Variants in COL24A1 observed in about 807,000 individuals in gnomAD.
The protein encoded by COL24A1 is collagen type XXIV alpha 1 chain.
In COL24A1, 224 loss-of-function variants were observed where a neutral mutation model predicts 253.9. The ratio of observed to expected loss-of-function variants is 0.88; its 90% CI spans 0.79 to 0.99. COL24A1 has a LOEUF of 0.99. Among genes scored for constraint, COL24A1 ranks in the 50% least tolerant of loss-of-function variants. The probability of loss-of-function intolerance (pLI) is 0.00; values close to 1 mark genes in which losing one functional copy is unlikely to be tolerated. For synonymous variants in COL24A1, 685 were observed against 673.7 expected (o/e 1.02, Z -0.26); for missense variants, 2,131 against 2,068.5 (o/e 1.03, Z -0.59).
intron 7 of COL24A1, among the ~76,000 whole-genome samples, chr1:86,079,191 A>G (rs1702457559): frequency 6.6e-6 from 1 of 152,304 alleles, no homozygotes; most frequent in Admixed American, 6.5e-5. Context: ...GTTGCCAAGA[A>G]CAGACATTGA....
At chr1:85,789,170 C>T (rs937624335) in intron 47 of COL24A1, among the ~76,000 whole-genome samples, 5 of 152,154 alleles carry the variant, frequency 3.3e-5, no homozygotes, top group African/African-American at 7.2e-5. Flanking sequence ...GTCATTTTCA[C>T]AATATTAATT....
chr1:86,111,908 C>T (rs1705654330), intron 5 of COL24A1, among the ~76,000 whole-genome samples: 1 of 152,130 alleles, frequency 6.6e-6, no homozygotes, highest in Admixed American at 6.5e-5. Flanking sequence ...AGGAACCCAC[C>T]AGAAGGAAGA....
chr1:86,120,443 A>G (rs1706631585), intron 3 of COL24A1, among the ~76,000 whole-genome samples: 2 of 152,248 alleles, frequency 1.3e-5, no homozygotes, highest in South Asian at 4.1e-4. Context: ...ACACATTTAC[A>G]AGAAAAAATC....
At chr1:86,104,169 G>C (rs1557637048) in intron 5 of COL24A1, among the ~76,000 whole-genome samples, 1 of 151,674 alleles carries the variant, frequency 6.6e-6, no homozygotes, top group Admixed American at 6.6e-5. Flanking sequence ...GGCTTGGTCT[G>C]TTTTAACACA....
chr1:85,771,261 C>T (rs1387603131), intron 53 of COL24A1, among the ~76,000 whole-genome samples: 1 of 152,050 alleles, frequency 6.6e-6, no homozygotes, highest in East Asian at 1.9e-4. Flanking sequence ...TAGCCTCCGA[C>T]CCCCGACAGG....
intron 57 of COL24A1, among the ~76,000 whole-genome samples, chr1:85,742,582 T>A (rs1482512031): frequency 6.6e-6 from 1 of 152,192 alleles, no homozygotes; most frequent in East Asian, 1.9e-4. Context: ...ACTACCTACT[T>A]GACATTCTTA....
rs571326026 is a variant in COL24A1 at position 86,151,136 on chromosome 1, G to C, written c.57-4953C>G. ...ACACATACATATATATAAAGCGTTT[G>C]TTATTTAACCACAAAACTGTAACGG... On this transcript the variant is annotated intron_variant, in intron 1 of 59. Coordinates refer to ENST00000370571, the MANE Select transcript of COL24A1 (RefSeq NM_152890.7). Among the ~76,000 whole-genome samples, 212 of 151,910 alleles carry C rather than the reference G, an allele frequency of 1.4e-3. 1 individual carries two copies. The highest frequency in any genetic ancestry group is 4.8e-3 in the African/African-American group (199 of 41,494).
intron 1 of COL24A1, among the ~76,000 whole-genome samples, chr1:86,151,352 T>C (rs1047623104): frequency 6.6e-6 from 1 of 152,166 alleles, no homozygotes; most frequent in Non-Finnish European, 1.5e-5. Context: ...GTGTCACTAA[T>C]ACAAAGTTAT....
rs147735967 is a variant in COL24A1, at chr1:85,955,705, T to C, written c.2562+5544A>G. 4.4e-3 allele frequency among the ~76,000 whole-genome samples: 670 copies of C among 152,264 alleles called. 6 individuals carry two copies. The highest frequency in any genetic ancestry group is 0.015 in the African/African-American group (622 of 41,550). On this transcript the variant is annotated intron_variant, in intron 24 of 59. Transcript: ENST00000370571. ...ATTTCATTATTAATGAAAGAAAAAA[T>C]TGGAAATAAAATAAAACCAACATGT...
intron 22 of COL24A1, among the ~76,000 whole-genome samples, chr1:85,965,522 G>T (rs1039293948): frequency 3.3e-5 from 5 of 151,928 alleles, no homozygotes; most frequent in African/African-American, 1.2e-4. Context: ...GTAGTTTTCC[G>T]AGAGTCTGAA....
At chr1:86,065,756 TAAA>T (rs71078636) in intron 7 of COL24A1, among the ~76,000 whole-genome samples, 2 of 118,600 alleles carry the variant, frequency 1.7e-5, no homozygotes, top group African/African-American at 3.0e-5. Flanking sequence ...TAGCAACCTC[TAAA>T]AAAAAAAAAA....
intron 53 of COL24A1, among the ~76,000 whole-genome samples, chr1:85,765,852 T>C (rs1667314069): frequency 1.3e-5 from 2 of 152,200 alleles, no homozygotes; most frequent in Admixed American, 6.5e-5. Context: ...TTGTATCCCA[T>C]TATTTCCAGC....
At chr1:85,803,365 G>A (rs1315474128) in intron 47 of COL24A1, among the ~76,000 whole-genome samples, 1 of 150,186 alleles carries the variant, frequency 6.7e-6, no homozygotes, top group Non-Finnish European at 1.5e-5. Context: ...GGGAGGTGGA[G>A]GTTGCAGTGA....
intron 27 of COL24A1, 42 bp downstream of exon 27, chr1:85,908,556 T>G (rs1179969512): frequency 8.8e-7 from 1 of 1,134,180 alleles, no homozygotes; most frequent in Admixed American, 2.8e-5. Flanking sequence ...TAAATTAAAG[T>G]AAACATTCCG....
At chr1:86,022,908 A>G (rs986003307) in intron 15 of COL24A1, 31 bp from the exon 16 acceptor site, 1 of 1,612,284 alleles carries the variant, frequency 6.2e-7, no homozygotes, top group Non-Finnish European at 8.5e-7. Context: ...TTGTGATATC[A>G]TAGACAGATT....
Position 85,847,686 on chromosome 1 carries a change from G to A in COL24A1, c.3441C>T (p.Ala1147=). The change falls in exon 39 of 60, where the codon GCC becomes GCT. Residue 1147 remains alanine (A), a synonymous_variant. Transcript: ENST00000370571. ...GKIGKSGPKG[A]RGTRGAVGHL... ...TGACCACAGCACCTCTAGTTCCTCT[G>A]GCACCCTTAGGACCACTTTTCCCAA... 6.2e-7 allele frequency: 1 copy of A among 1,613,356 alleles called. No homozygotes were observed. The highest frequency in any genetic ancestry group is 8.5e-7 in the Non-Finnish European group (1 of 1,179,528).
intron 47 of COL24A1, among the ~76,000 whole-genome samples, chr1:85,787,603 A>C (rs961823003): frequency 2.0e-5 from 3 of 152,118 alleles, no homozygotes; most frequent in African/African-American, 7.2e-5. Flanking sequence ...TTCTTTATCC[A>C]GTCTATCATT....
chr1:85,986,742 C>A (rs1015634824), intron 20 of COL24A1, among the ~76,000 whole-genome samples: 1 of 151,774 alleles, frequency 6.6e-6, no homozygotes, highest in African/African-American at 2.4e-5. Flanking sequence ...AGAACACTAA[C>A]AAATATAGCT....
At chr1:86,153,549 A>G (rs1653067276) in intron 1 of COL24A1, among the ~76,000 whole-genome samples, 1 of 152,238 alleles carries the variant, frequency 6.6e-6, no homozygotes, top group African/African-American at 2.4e-5. Context: ...ATGGCAAGGA[A>G]ACTAGCACAG....
Sources: gnomAD v4.1 joint callset for allele counts (sites outside exome capture counted in the v4.1 genomes callset) on GRCh38, gnomAD v4.1.1 for gene constraint, MANE v1.5 for transcripts, NCBI Gene and HGNC (gene_info 2026-07-23, HGNC 2026-07-21) for gene names.